The following ZSCAN5A variants were observed in gnomAD, a reference collection of about 807,000 sequenced individuals.
ZSCAN5A encodes zinc finger and SCAN domain containing 5A.
In ZSCAN5A, 12 loss-of-function variants were observed where a neutral mutation model predicts 23.7. That is an observed-to-expected ratio of 0.51 (90% confidence interval 0.32 to 0.82). The LOEUF (loss-of-function observed/expected upper bound fraction) is 0.82, where lower values mean the gene tolerates loss of function less well. Among genes scored for constraint, ZSCAN5A ranks in the 40% least tolerant of loss-of-function variants. The pLI is 0.03. For missense variants in ZSCAN5A, 597 were observed against 617.9 expected (o/e 0.97, Z 0.36); for synonymous variants, 257 against 239.9 (o/e 1.07, Z -0.66).
chr19:56,231,428 T>C (rs2034453582), intron 2 of ZSCAN5A, among the ~76,000 whole-genome samples: 1 of 152,212 alleles, frequency 6.6e-6, no homozygotes, highest in African/African-American at 2.4e-5. Flanking sequence ...TCTCTAAGAA[T>C]GCGTGACCAA....
intron 2 of ZSCAN5A, chr19:56,228,113 A>T: frequency 2.2e-6 from 1 of 444,600 alleles, no homozygotes; most frequent in Non-Finnish European, 3.0e-6. Context: ...AGTCAGAGTT[A>T]ATCATGGGGT....
At chr19:56,254,455 G>T (rs952931523) in intron 2 of ZSCAN5A, among the ~76,000 whole-genome samples, 13 of 152,112 alleles carry the variant, frequency 8.5e-5, no homozygotes, top group Non-Finnish European at 1.6e-4. Flanking sequence ...TTGGAAAGGG[G>T]AATAATATTC....
intron 1 of ZSCAN5A, among the ~76,000 whole-genome samples, chr19:56,364,125 G>T (rs1202762788): frequency 6.6e-6 from 1 of 152,200 alleles, no homozygotes; most frequent in Non-Finnish European, 1.5e-5. Context: ...CTAGAACATG[G>T]AGGAGGGGAT....
rs574052796 is a variant in ZSCAN5A at position 56,293,088 on chromosome 19, C to T, written c.-128+20195G>A. Among the ~76,000 whole-genome samples, 5 of 152,334 alleles carry T rather than the reference C, an allele frequency of 3.3e-5. No homozygotes were observed. The East Asian group carries it at 9.6e-4, about 29-fold the overall frequency. On this transcript the variant is annotated intron_variant, in intron 2 of 5. Transcript: ENST00000683990. ...TCCTGTCCATGCCCCACACCCACCT[C>T]CAAACCCCACTTCTATGCAGCTTGA...
At chr19:56,280,209 C>G (rs1410566291) in intron 2 of ZSCAN5A, among the ~76,000 whole-genome samples, 1 of 152,074 alleles carries the variant, frequency 6.6e-6, no homozygotes, top group African/African-American at 2.4e-5. Context: ...CTGTATGCAC[C>G]TTACTTTTTT....
At chr19:56,315,555 G>C (rs758258802), upstream of ZSCAN5A, 5 of 152,354 alleles carry the variant, frequency 3.3e-5, no homozygotes, top group Non-Finnish European at 7.3e-5. Context: ...CCCACGGGAG[G>C]GGAGAAAGCT....
chr19:56,357,367 C>T lies in ZSCAN5A; in HGVS notation c.-358+5868G>A, dbSNP rs989634884. Among the ~76,000 whole-genome samples the T allele has an allele frequency of 1.1e-4, 17 of 148,550 alleles. 2 individuals are homozygous for T. The highest frequency in any genetic ancestry group is 3.0e-5 in the Non-Finnish European group (2 of 67,256). On this transcript the variant is annotated intron_variant, in intron 2 of 6. Transcript: ENST00000587340. ...ACACAGACTTTATCATTACATAATACTTACACATGTTTTGTTGGTACACGC... is the reference window on the plus strand; with the variant it reads ...ACACAGACTTTATCATTACATAATATTTACACATGTTTTGTTGGTACACGC...
At chr19:56,343,050 C>T (rs2041606657) in intron 2 of ZSCAN5A, 9 of 812,540 alleles carry the variant, frequency 1.1e-5, no homozygotes, top group Non-Finnish European at 2.0e-5. Flanking sequence ...AACTGTCAGA[C>T]AACCTTGGCT....
intron 2 of ZSCAN5A, among the ~76,000 whole-genome samples, chr19:56,243,671 A>G (rs1044374193): frequency 2.6e-5 from 4 of 152,138 alleles, no homozygotes; most frequent in Non-Finnish European, 4.4e-5. Flanking sequence ...TGTTGTTCCA[A>G]TTGAAAAAAA....
chr19:56,278,731 TCTAA>T (rs1271896882), intron 2 of ZSCAN5A, among the ~76,000 whole-genome samples: 1 of 152,122 alleles, frequency 6.6e-6, no homozygotes, highest in African/African-American at 2.4e-5. Flanking sequence ...TGATGGATGG[TCTAA>T]CTAACTCTCA....
intron 2 of ZSCAN5A, among the ~76,000 whole-genome samples, chr19:56,264,953 A>T (rs2037367804): frequency 6.6e-6 from 1 of 152,094 alleles, no homozygotes; most frequent in Admixed American, 6.5e-5. Context: ...GAAACCCCGT[A>T]TCTACTACAA....
intron 2 of ZSCAN5A, among the ~76,000 whole-genome samples, chr19:56,356,939 A>G (rs1331148486): frequency 6.7e-6 from 1 of 148,948 alleles, no homozygotes; most frequent in Non-Finnish European, 1.5e-5. Flanking sequence ...TGTAGGCAAT[A>G]AAAATTCTCA....
chr19:56,302,585 T>TTCTTCCTCCCCCTC (rs2040385399), intron 2 of ZSCAN5A, among the ~76,000 whole-genome samples: 2 of 43,750 alleles, frequency 4.6e-5, no homozygotes, highest in South Asian at 2.3e-3. Flanking sequence ...TCCTCCCCCT[T>TTCTTCCTCCCCCTC]TTCTTCCTCT....
chr19:56,320,811 C>T, intron 2 of ZSCAN5A: 1 of 796,512 alleles, frequency 1.3e-6, no homozygotes, highest in Admixed American at 1.7e-5. Context: ...GCCTTATCAC[C>T]ATAGGTGGCA....
chr19:56,318,231 CT>C (rs35648605), upstream of ZSCAN5A, among the ~76,000 whole-genome samples: 28 of 148,730 alleles, frequency 1.9e-4, no homozygotes, highest in Admixed American at 9.4e-4. Flanking sequence ...ACTTCACCAG[CT>C]TTTTTTTTTG....
chr19:56,327,387 T>G (rs2041444407), intron 2 of ZSCAN5A, among the ~76,000 whole-genome samples: 1 of 151,756 alleles, frequency 6.6e-6, no homozygotes, highest in South Asian at 2.1e-4. Context: ...AAGTGGGGGA[T>G]TACAAGTGTG....
chr19:56,353,632 A>T (rs766513866), intron 2 of ZSCAN5A, among the ~76,000 whole-genome samples: 28 of 151,830 alleles, frequency 1.8e-4, no homozygotes, highest in Non-Finnish European at 3.5e-4. Flanking sequence ...AATACAAAAA[A>T]TTAGCTGCGC....
intron 1 of ZSCAN5A, among the ~76,000 whole-genome samples, chr19:56,363,617 G>C (rs1377104756): frequency 6.6e-6 from 1 of 152,216 alleles, no homozygotes; most frequent in Non-Finnish European, 1.5e-5. Context: ...TGAGGTGTCA[G>C]ATGGAAATGA....
intron 2 of ZSCAN5A, among the ~76,000 whole-genome samples, chr19:56,244,814 G>A (rs1033945939): frequency 6.0e-5 from 9 of 148,930 alleles, no homozygotes; most frequent in African/African-American, 1.6e-4. Flanking sequence ...TGGAATGTAG[G>A]GAAGGAGGCA....
Sources: gnomAD v4.1 joint callset for allele counts (sites outside exome capture counted in the v4.1 genomes callset) on GRCh38, gnomAD v4.1.1 for gene constraint, MANE v1.5 for transcripts, NCBI Gene and HGNC (gene_info 2026-07-23, HGNC 2026-07-21) for gene names.